The following STX18 variants were observed in gnomAD, a reference collection of about 807,000 sequenced individuals.
The protein encoded by STX18 is syntaxin 18.
A neutral mutation model predicts 50.1 loss-of-function variants in STX18; 40 were observed. The observed-to-expected ratio is 0.80, with a 90% CI of 0.62 to 1.04. The LOEUF is 1.04. Ranked by LOEUF, STX18 falls within the 50% of genes least tolerant of loss-of-function variation. The pLI, the probability that STX18 is intolerant of heterozygous loss-of-function variation, is 0.00. For synonymous variants in STX18, 158 were observed against 151.8 expected (o/e 1.04, Z -0.30); for missense variants, 410 against 415.8 (o/e 0.99, Z 0.12).
intron 7 of STX18, among the ~76,000 whole-genome samples, chr4:4,431,540 TA>T (rs1464103117): frequency 5.3e-5 from 8 of 152,284 alleles, no homozygotes; most frequent in Middle Eastern, 3.4e-3. Flanking sequence ...ATCATGTTTC[TA>T]GAGAGCCTCA....
intron 1 of STX18, among the ~76,000 whole-genome samples, chr4:4,535,780 T>A (rs1731304215): frequency 6.6e-6 from 1 of 152,248 alleles, no homozygotes; most frequent in African/African-American, 2.4e-5. Flanking sequence ...CCCTATCTCC[T>A]GTCCTTCCTG....
intron 1 of STX18, among the ~76,000 whole-genome samples, chr4:4,541,111 T>C (rs745833331): frequency 2.6e-5 from 4 of 152,178 alleles, no homozygotes; most frequent in African/African-American, 4.8e-5. Context: ...ATTCACTCAT[T>C]CAACAAACAT....
intron 1 of STX18, among the ~76,000 whole-genome samples, chr4:4,529,564 G>A (rs1338272414): frequency 6.6e-6 from 1 of 152,176 alleles, no homozygotes; most frequent in Non-Finnish European, 1.5e-5. Flanking sequence ...GGAATGCCAA[G>A]TGGAGCACAG....
Position 4,447,328 on chromosome 4 carries a change from G to A in STX18, c.498-8819C>T, listed in dbSNP as rs142928147. 1.0e-3 allele frequency among the ~76,000 whole-genome samples: 155 copies of A among 150,908 alleles called. 1 individual carries two copies. Among genetic ancestry groups the A allele is most frequent in the African/African-American group, 3.4e-3 (139 of 41,140 alleles). On this transcript the variant is annotated intron_variant, in intron 5 of 10. Coordinates refer to ENST00000306200, the MANE Select transcript of STX18 (RefSeq NM_016930.4). The stretch of plus-strand genomic sequence containing the variant: ...CTCTGGGCCGGGCGCGGTGGCTCAC[G>A]CCTGTAATCCCAGCACTTTGCGAGG...
In STX18 at chr4:4,420,655, G is replaced by A; in HGVS notation, c.912+209C>T. On this transcript the variant is annotated intron_variant, in intron 10 of 10. Coordinates refer to ENST00000306200, the MANE Select transcript of STX18 (RefSeq NM_016930.4). This position sits in a 1 kb window ranked among gnomAD's most constrained non-coding sequence, Gnocchi z 4.3. ...CTGGATTGCTCCTTTGGAGGCTGGT[G>A]AGCCACTGCCTCTCGAAAGCAGCTG... 1.8e-6 allele frequency: 1 copy of A among 570,014 alleles called. No individual in the cohort carries two copies. Among genetic ancestry groups the A allele is most frequent in the South Asian group, 2.2e-5 (1 of 45,902 alleles). 35.3% of individuals were successfully genotyped at this position (570,014 alleles called of 1,614,324 possible). A position where few individuals can be genotyped will look rare whatever the true frequency, so the allele number is the denominator to read the frequency against.
chr4:4,438,846 T>C (rs2108790032), intron 5 of STX18, among the ~76,000 whole-genome samples: 1 of 151,984 alleles, frequency 6.6e-6, no homozygotes, highest in Non-Finnish European at 1.5e-5. Flanking sequence ...GGATTGATGC[T>C]TACCCAGTAG....
chr4:4,438,674 G>A (rs1186624406), intron 5 of STX18, among the ~76,000 whole-genome samples, 165 bp from the exon 6 acceptor site: 1 of 152,048 alleles, frequency 6.6e-6, no homozygotes, highest in Non-Finnish European at 1.5e-5. Context: ...CCTCCACTGG[G>A]GCACTTAACA....
Position 4,420,694 on chromosome 4 carries a change from G to C in STX18, c.912+170C>G. 1.6e-6 allele frequency: 1 copy of C among 621,626 alleles called. No individual in the cohort carries two copies. Among genetic ancestry groups the C allele is most frequent in the Non-Finnish European group, 2.8e-6 (1 of 353,178 alleles). The allele number at this position is 621,626 out of a possible 1,614,324, so 38.5% of individuals were successfully genotyped here. On this transcript the variant is annotated intron_variant, in intron 10 of 10. Coordinates refer to ENST00000306200, the MANE Select transcript of STX18 (RefSeq NM_016930.4). The surrounding 1 kb of genome is among the most constrained non-coding windows in gnomAD (Gnocchi z 4.3). ...CGAAAGCAGCTGGAGGTGGGCGACA[G>C]GTGGTGGGTCTCATGAACACACGCA...
intron 7 of STX18, among the ~76,000 whole-genome samples, chr4:4,427,001 A>C (rs28564055): frequency 0.37 from 56,244 of 151,934 alleles, 15,226 homozygotes; most frequent in African/African-American, 0.77. Flanking sequence ...AGACTGAATC[A>C]CCTTCTCTTA....
intron 1 of STX18, among the ~76,000 whole-genome samples, chr4:4,516,701 G>T (rs1730284249): frequency 6.6e-6 from 1 of 151,992 alleles, no homozygotes; most frequent in South Asian, 2.1e-4. Flanking sequence ...AACGTGCTAT[G>T]CATTTTTATT....
chr4:4,493,700 T>C (rs1308414502), intron 1 of STX18, among the ~76,000 whole-genome samples: 5 of 152,182 alleles, frequency 3.3e-5, no homozygotes, highest in Non-Finnish European at 7.4e-5. Context: ...AAAGCATCAA[T>C]AGAAAATATT....
At chr4:4,507,272 C>A in intron 1 of STX18, 1 of 705,946 alleles carries the variant, frequency 1.4e-6, no homozygotes, top group South Asian at 1.4e-5. Context: ...TCCGGCATCT[C>A]CCAGGCTCTT....
intron 1 of STX18, among the ~76,000 whole-genome samples, chr4:4,497,505 T>C (rs554283735): frequency 6.6e-6 from 1 of 152,326 alleles, no homozygotes; most frequent in African/African-American, 2.4e-5. Context: ...GCACCAGAGT[T>C]TTATACTGTC....
chr4:4,419,945 C>T lies in STX18; in HGVS notation c.*89G>A. 9.1e-7 allele frequency: 1 copy of T among 1,095,018 alleles called. No individual in the cohort carries two copies. Among genetic ancestry groups the T allele is most frequent in the Non-Finnish European group, 1.3e-6 (1 of 742,588 alleles). The allele number at this position is 1,095,018 out of a possible 1,614,324, so 67.8% of individuals were successfully genotyped here. ...AAATGGCACTGTGATAAAATCTGGTCATACCATGCTCCAGCACTGGAAGTA... is the reference window on the plus strand; with the variant it reads ...AAATGGCACTGTGATAAAATCTGGTTATACCATGCTCCAGCACTGGAAGTA... On this transcript the variant is annotated 3_prime_UTR_variant, in exon 11 of 11. Transcript: ENST00000306200.
chr4:4,518,299 A>G (rs1238488770), intron 1 of STX18, among the ~76,000 whole-genome samples: 1 of 152,270 alleles, frequency 6.6e-6, no homozygotes, highest in Non-Finnish European at 1.5e-5. Context: ...AATGTTGTAG[A>G]AAATTATTAA....
Position 4,459,635 on chromosome 4 carries a change from G to C in STX18, c.237-148C>G, listed in dbSNP as rs1727273289. ...GAGGAGGAACAGGCCAGGTGAAAAG[G>C]TGAGAGAACCATCTAGATAGATAGT... On this transcript the variant is annotated intron_variant, in intron 2 of 10. Transcript: ENST00000306200. 7.7e-6 allele frequency: 5 copies of C among 649,718 alleles called. No homozygotes were observed. In the Admixed American group the frequency reaches 1.3e-4, roughly 17 times the overall value. 40.2% of individuals were successfully genotyped at this position (649,718 alleles called of 1,614,324 possible).
intron 1 of STX18, among the ~76,000 whole-genome samples, chr4:4,492,177 A>G (rs140631230): frequency 5.1e-4 from 77 of 152,236 alleles, no homozygotes; most frequent in Non-Finnish European, 1.0e-3. Flanking sequence ...TTATATCCCT[A>G]GTAACCATAG....
chr4:4,517,705 C>T (rs1365326993), intron 1 of STX18, among the ~76,000 whole-genome samples: 1 of 152,024 alleles, frequency 6.6e-6, no homozygotes, highest in Non-Finnish European at 1.5e-5. Flanking sequence ...TAATATTTTA[C>T]AGAGACAAAT....
intron 1 of STX18, among the ~76,000 whole-genome samples, chr4:4,486,321 C>T (rs1449577984): frequency 6.6e-6 from 1 of 152,128 alleles, no homozygotes; most frequent in Non-Finnish European, 1.5e-5. Context: ...AGCTGCAGAA[C>T]TTTGGAAAGT....
Sources: allele counts gnomAD v4.1 joint callset (sites outside exome capture counted in the v4.1 genomes callset), GRCh38; gene constraint gnomAD v4.1.1; non-coding constraint Gnocchi (gnomAD v3.1); transcripts MANE v1.5; gene names NCBI Gene and HGNC (gene_info 2026-07-23, HGNC 2026-07-21).